Variants in CNRIP1 observed in about 807,000 individuals in gnomAD.
CNRIP1 encodes the protein cannabinoid receptor interacting protein 1.
CNRIP1 carries 10 observed loss-of-function variants against 15.2 expected under a neutral mutation model. The observed-to-expected ratio is 0.66, with a 90% CI of 0.41 to 1.12. The LOEUF (loss-of-function observed/expected upper bound fraction) is 1.12, where lower values mean the gene tolerates loss of function less well. Among genes scored for constraint, CNRIP1 ranks in the 50% most tolerant of loss-of-function variants. The probability of loss-of-function intolerance (pLI) is 0.00; values close to 1 mark genes in which losing one functional copy is unlikely to be tolerated. For synonymous variants in CNRIP1, 91 were observed against 83.2 expected (o/e 1.09, Z -0.51); for missense variants, 211 against 214.7 (o/e 0.98, Z 0.11).
downstream of CNRIP1, among the ~76,000 whole-genome samples, chr2:68,292,224 TA>T (rs143679421): frequency 4.3e-4 from 64 of 150,472 alleles, no homozygotes; most frequent in African/African-American, 3.2e-4. Flanking sequence ...ATGAAGACTT[TA>T]AAAAAAAACA....
rs528255850 is a variant in CNRIP1 at position 68,315,177 on chromosome 2, A to T, written c.330+1980T>A. ...TTCAAAAAATCAATAAGATACACTT[A>T]AGCAGAAAAATGGGTGAAAACTATG... On this transcript the variant is annotated intron_variant, in intron 2 of 2. Coordinates refer to ENST00000263655, the MANE Select transcript of CNRIP1 (RefSeq NM_015463.3). 4.2e-4 allele frequency among the ~76,000 whole-genome samples: 64 copies of T among 152,320 alleles called. No homozygotes were observed. In the Middle Eastern group the frequency reaches 0.014, roughly 32 times the overall value.
downstream of CNRIP1, among the ~76,000 whole-genome samples, chr2:68,289,396 G>A (rs571179957): frequency 1.9e-4 from 29 of 152,168 alleles, no homozygotes; most frequent in African/African-American, 7.0e-4. Context: ...GAATATTTTA[G>A]GAAAATAAGT....
downstream of CNRIP1, among the ~76,000 whole-genome samples, chr2:68,289,419 ACTC>A (rs1486572398): frequency 6.6e-6 from 1 of 151,450 alleles, no homozygotes; most frequent in Admixed American, 6.6e-5. Flanking sequence ...TATTTTTTAA[ACTC>A]CTTTAGTTTT....
chr2:68,304,626 CTTTTTT>C (rs11292248), intron 2 of CNRIP1, among the ~76,000 whole-genome samples: 1 of 136,980 alleles, frequency 7.3e-6, no homozygotes, highest in Non-Finnish European at 1.6e-5. Flanking sequence ...ATCTGGTTGT[CTTTTTT>C]TTTTTTTTGA....
At chr2:68,295,265 G>C (rs1020033485) in intron 2 of CNRIP1, among the ~76,000 whole-genome samples, 1 of 152,162 alleles carries the variant, frequency 6.6e-6, no homozygotes, top group Non-Finnish European at 1.5e-5. Flanking sequence ...AGCTTTCCAA[G>C]ATGCTCTCAA....
chr2:68,288,792 C>T (rs747282234), downstream of CNRIP1, among the ~76,000 whole-genome samples: 1 of 152,124 alleles, frequency 6.6e-6, no homozygotes, highest in Non-Finnish European at 1.5e-5. Flanking sequence ...GGCAAAACTA[C>T]CAGGTTATAA....
chr2:68,302,184 T>C (rs113741567), intron 2 of CNRIP1, among the ~76,000 whole-genome samples: 64 of 152,290 alleles, frequency 4.2e-4, no homozygotes, highest in African/African-American at 1.4e-3. Flanking sequence ...CTACATCTTA[T>C]GATTATCTCT....
chr2:68,305,689 G>A (rs11688478), intron 2 of CNRIP1, among the ~76,000 whole-genome samples: 23,376 of 151,300 alleles, frequency 0.15, 2,110 homozygotes, highest in Middle Eastern at 0.26. Flanking sequence ...CCATCTACTC[G>A]GGAGGCTGAG....
chr2:68,291,835 T>C (rs957852829), downstream of CNRIP1, among the ~76,000 whole-genome samples: 6 of 138,754 alleles, frequency 4.3e-5, no homozygotes, highest in Non-Finnish European at 7.5e-5. Flanking sequence ...GACAAGATCA[T>C]GCCACTGCAC....
intron 2 of CNRIP1, among the ~76,000 whole-genome samples, chr2:68,294,483 C>G (rs1395115966): frequency 6.6e-6 from 1 of 152,236 alleles, no homozygotes; most frequent in Non-Finnish European, 1.5e-5. Context: ...AAGCAAGATT[C>G]TGTCTCTAAA....
chr2:68,319,566 G>T lies in CNRIP1; in HGVS notation c.-166C>A, dbSNP rs1672420493. 2 of 651,274 alleles carry T rather than the reference G, an allele frequency of 3.1e-6. No homozygotes were observed. Among genetic ancestry groups the T allele is most frequent in the African/African-American group, 3.9e-5 (2 of 51,246 alleles). The allele number at this position is 651,274 out of a possible 1,614,324, so 40.3% of individuals were successfully genotyped here. ...CCGCGCCGTCGCCGCCGTCCGCCCG[G>T]GCTTTTGAGGAGCAGCTCCTTAGGC... is the stretch of plus-strand genomic sequence containing the variant. On this transcript the variant is annotated 5_prime_UTR_variant, in exon 1 of 3. Coordinates refer to ENST00000263655, the MANE Select transcript of CNRIP1 (RefSeq NM_015463.3).
downstream of CNRIP1, among the ~76,000 whole-genome samples, chr2:68,291,560 A>C (rs1262435728): frequency 6.6e-6 from 1 of 151,824 alleles, no homozygotes; most frequent in Non-Finnish European, 1.5e-5. Flanking sequence ...TTCAAACTCT[A>C]AATAAAGCCT....
intron 2 of CNRIP1, among the ~76,000 whole-genome samples, chr2:68,294,748 C>A (rs1484129139): frequency 1.3e-5 from 2 of 152,120 alleles, no homozygotes; most frequent in South Asian, 2.1e-4. Flanking sequence ...ACTTATAAGT[C>A]AGGAGTCCAT....
At chr2:68,319,036 A>G (rs1037249875) in intron 1 of CNRIP1, among the ~76,000 whole-genome samples, 186 bp downstream of exon 1, 2 of 152,230 alleles carry the variant, frequency 1.3e-5, no homozygotes, top group Non-Finnish European at 2.9e-5. Context: ...AGAATGGAGG[A>G]ATACAAGCCA....
intron 2 of CNRIP1, among the ~76,000 whole-genome samples, chr2:68,298,942 C>T (rs941767177): frequency 6.6e-6 from 1 of 152,212 alleles, no homozygotes; most frequent in African/African-American, 2.4e-5. Context: ...CCCAGGCAGG[C>T]TCCTGGGTGG....
chr2:68,286,023 G>A (rs1001958937), intron 2 of CNRIP1, among the ~76,000 whole-genome samples: 6 of 152,156 alleles, frequency 3.9e-5, no homozygotes, highest in Admixed American at 2.0e-4. Context: ...ATAGGGTGAG[G>A]ACAAATTCCC....
Position 68,293,688 on chromosome 2 carries a change from T to C in CNRIP1, c.*174A>G. 7.3e-7 allele frequency: 1 copy of C among 1,376,102 alleles called. No individual in the cohort carries two copies. The highest frequency in any genetic ancestry group is 9.4e-7 in the Non-Finnish European group (1 of 1,061,404). The allele number at this position is 1,376,102 out of a possible 1,614,324, so 85.2% of individuals were successfully genotyped here. ...GAGTGGTACATCACCATCTTGTATG[T>C]GAGGGATATTGTGTCAGAGGGGAAT... is the stretch of plus-strand genomic sequence containing the variant. On this transcript the variant is annotated 3_prime_UTR_variant, in exon 3 of 3. Coordinates refer to ENST00000263655, the MANE Select transcript of CNRIP1 (RefSeq NM_015463.3).
chr2:68,306,785 A>G (rs1168501802), intron 2 of CNRIP1, among the ~76,000 whole-genome samples: 1 of 125,664 alleles, frequency 8.0e-6, no homozygotes, highest in African/African-American at 2.8e-5. Context: ...CATTAAAAAA[A>G]AAAAAAAAAA....
At chr2:68,301,979 A>T (rs1671628786) in intron 2 of CNRIP1, among the ~76,000 whole-genome samples, 1 of 152,018 alleles carries the variant, frequency 6.6e-6, no homozygotes, top group African/African-American at 2.4e-5. Context: ...TCAGGATACA[A>T]TATTAACTTA....
Sources: gnomAD v4.1 joint callset for allele counts (sites outside exome capture counted in the v4.1 genomes callset) on GRCh38, gnomAD v4.1.1 for gene constraint, MANE v1.5 for transcripts, NCBI Gene and HGNC (gene_info 2026-07-23, HGNC 2026-07-21) for gene names.